RASAL2: variants seen among roughly 807,000 people sequenced by gnomAD.
RASAL2 encodes the protein RAS protein activator like 2, also known as ras GTPase-activating protein nGAP.
Under a neutral mutation model 128.9 loss-of-function variants are expected in RASAL2, and 58 were observed. The observed-to-expected ratio is 0.45, with a 90% CI of 0.36 to 0.56. RASAL2 has a LOEUF of 0.56. Among genes scored for constraint, RASAL2 ranks in the 20% least tolerant of loss-of-function variants. RASAL2 has a pLI of 0.00. For missense variants in RASAL2, 1,360 were observed against 1,601.6 expected (o/e 0.85, Z 2.57); for synonymous variants, 561 against 580.8 (o/e 0.97, Z 0.49).
chr1:178,219,587 G>T (rs78087404), intron 1 of RASAL2, among the ~76,000 whole-genome samples: 1 of 149,458 alleles, frequency 6.7e-6, no homozygotes, highest in Non-Finnish European at 1.5e-5. Context: ...CTGTGATCGC[G>T]CCATAGCACT....
rs114173896 is a variant in RASAL2, at chr1:178,327,062, A to G, written c.457+26944A>G. ...TAGTAATATTGTCCAGGTAAATAGA[A>G]CAATCTCATTCTAACTTAGCATTTC... On this transcript the variant is annotated intron_variant, in intron 3 of 17. Transcript: ENST00000367649. Among the ~76,000 whole-genome samples, 652 of 152,320 alleles carry G rather than the reference A, an allele frequency of 4.3e-3. 14 individuals are homozygous for G. Among genetic ancestry groups the G allele is most frequent in the African/African-American group, 0.015 (626 of 41,576 alleles).
chr1:178,428,589 A>AAT lies in RASAL2; in HGVS notation c.674+7980_674+7981dup, dbSNP rs199955656. The stretch of plus-strand genomic sequence containing the variant: ...ATATATATATTCTACATATATATTG[A>AAT]ATATATATATATTTTTAAGAGACAA... On this transcript the variant is annotated intron_variant, in intron 5 of 17. Coordinates refer to ENST00000367649, the MANE Select transcript of RASAL2 (RefSeq NM_170692.4). 1.5e-4 allele frequency among the ~76,000 whole-genome samples: 22 copies of AAT among 151,454 alleles called. No homozygotes were observed. In the East Asian group the frequency reaches 2.9e-3, roughly 20 times the overall value.
At chr1:178,199,151 C>A (rs1263706486) in intron 1 of RASAL2, among the ~76,000 whole-genome samples, 1 of 152,212 alleles carries the variant, frequency 6.6e-6, no homozygotes, top group Non-Finnish European at 1.5e-5. Flanking sequence ...TTTGCTAAGA[C>A]CACTGGAAAA....
chr1:178,432,705 C>T (rs182942115), intron 5 of RASAL2, among the ~76,000 whole-genome samples: 7 of 152,174 alleles, frequency 4.6e-5, no homozygotes, highest in Admixed American at 3.9e-4. Flanking sequence ...CTGGACTCTA[C>T]CCTCTCCCCA....
intron 1 of RASAL2, among the ~76,000 whole-genome samples, chr1:178,109,759 C>T (rs1024720887): frequency 2.6e-5 from 4 of 152,072 alleles, no homozygotes; most frequent in East Asian, 1.9e-4. Context: ...GGTTGGCTGA[C>T]GTCTATAATC....
chr1:178,412,984 TTTTC>T (rs1242412130), intron 4 of RASAL2, among the ~76,000 whole-genome samples: 6 of 151,730 alleles, frequency 4.0e-5, no homozygotes, highest in Non-Finnish European at 7.4e-5. Flanking sequence ...CTTTCTTTCT[TTTTC>T]TTTCTTTCTC....
intron 3 of RASAL2, among the ~76,000 whole-genome samples, chr1:178,324,155 A>T (rs1346731602): frequency 6.6e-6 from 1 of 152,188 alleles, no homozygotes; most frequent in Non-Finnish European, 1.5e-5. Flanking sequence ...ATAAACTTTG[A>T]TTTGAGCCAA....
At position 178,474,656 on chromosome 1, in the gene RASAL2, G is replaced by C. The variant is rs1408856174; in HGVS notation, c.*1417G>C. 1 of 151,684 alleles carries C rather than the reference G, an allele frequency of 6.6e-6. No homozygotes were observed. Among genetic ancestry groups the C allele is most frequent in the Non-Finnish European group, 1.5e-5 (1 of 67,936 alleles). 9.4% of individuals were successfully genotyped at this position (151,684 alleles called of 1,614,324 possible). On this transcript the variant is annotated 3_prime_UTR_variant, in exon 18 of 18. Transcript: ENST00000367649. ...TGCAACCTTGATTACCAGAAGTATG[G>C]AAGGTTACATGTTAAACAGACATTA...
chr1:178,096,303 T>G (rs985141503), intron 1 of RASAL2, among the ~76,000 whole-genome samples: 1 of 152,188 alleles, frequency 6.6e-6, no homozygotes, highest in Non-Finnish European at 1.5e-5. Context: ...TAAGAATACA[T>G]GTATATGATA....
chr1:178,185,011 G>C (rs1411981694), intron 1 of RASAL2, among the ~76,000 whole-genome samples: 1 of 151,554 alleles, frequency 6.6e-6, no homozygotes, highest in African/African-American at 2.4e-5. Context: ...TTTGCATGCA[G>C]GTTCTGTACA....
At chr1:178,175,764 T>A (rs1172148290) in intron 1 of RASAL2, among the ~76,000 whole-genome samples, 1 of 152,054 alleles carries the variant, frequency 6.6e-6, no homozygotes, top group Non-Finnish European at 1.5e-5. Context: ...GTACCCATTG[T>A]TTAGGTCCCA....
intron 1 of RASAL2, among the ~76,000 whole-genome samples, chr1:178,104,498 AT>A (rs1261112134): frequency 6.6e-6 from 1 of 152,188 alleles, no homozygotes; most frequent in Non-Finnish European, 1.5e-5. Flanking sequence ...CAAATCTTTG[AT>A]CCAAACTTCT....
intron 1 of RASAL2, among the ~76,000 whole-genome samples, chr1:178,217,095 C>T (rs1196523705): frequency 3.3e-5 from 5 of 152,126 alleles, no homozygotes; most frequent in South Asian, 2.1e-4. Context: ...CCTGCCTCAG[C>T]CCACCGAGTA....
In RASAL2 at chr1:178,458,426, C is replaced by T. The variant is rs199550328; in HGVS notation, c.3134C>T (p.Ser1045Phe). 1.2e-6 allele frequency: 2 copies of T among 1,614,220 alleles called. No homozygotes were observed. The highest frequency in any genetic ancestry group is 4.5e-5 in the East Asian group (2 of 44,872). Residue 1045 changes from serine to phenylalanine, a missense_variant, in exon 14 of 18, where the codon TCC becomes TTC. Physicochemically the swap from Ser to Phe is radical, Grantham distance 155. Transcript: ENST00000367649. ...LRSTGSMSVVSAALVAEPVQN... is the reference protein window; with the variant it reads ...LRSTGSMSVVFAALVAEPVQN... ...AGCACCGGGAGCATGTCAGTGGTGTCCGCAGCCCTGGTGGCCGAACCTGTG... is the reference window on the plus strand; with the variant it reads ...AGCACCGGGAGCATGTCAGTGGTGTTCGCAGCCCTGGTGGCCGAACCTGTG...
At chr1:178,319,020 C>G (rs1668624926) in intron 3 of RASAL2, among the ~76,000 whole-genome samples, 1 of 152,064 alleles carries the variant, frequency 6.6e-6, no homozygotes, top group South Asian at 2.1e-4. Context: ...ATTTGCTTGT[C>G]TGTAAAGTAT....
intron 1 of RASAL2, among the ~76,000 whole-genome samples, chr1:178,177,601 T>C (rs316277): frequency 0.62 from 94,070 of 152,054 alleles, 32,231 homozygotes; most frequent in East Asian, 0.8. Flanking sequence ...GAATTGATCT[T>C]TGAGTTGGGA....
At chr1:178,342,922 G>A (rs1295583140) in intron 3 of RASAL2, among the ~76,000 whole-genome samples, 1 of 152,106 alleles carries the variant, frequency 6.6e-6, no homozygotes, top group Admixed American at 6.6e-5. Flanking sequence ...CTTGAGAGCC[G>A]CAACAGACAG....
chr1:178,446,912 G>A (rs1351792834), intron 9 of RASAL2, among the ~76,000 whole-genome samples: 1 of 152,196 alleles, frequency 6.6e-6, no homozygotes, highest in Non-Finnish European at 1.5e-5. Flanking sequence ...TAGCATGGGG[G>A]AAAGGACCCA....
In RASAL2 at chr1:178,242,423, TTC is replaced by T. The variant is rs58914415; in HGVS notation, c.203-41083_203-41082del. On this transcript the variant is annotated intron_variant, in intron 1 of 17. Coordinates refer to ENST00000367649, the MANE Select transcript of RASAL2 (RefSeq NM_170692.4). ...TGCTAATGACAATTTTTATAATTCATTCTCTCTCTCTCTCTCTCTCTCTCTCT... is the reference window on the plus strand; with the variant it reads ...TGCTAATGACAATTTTTATAATTCATTCTCTCTCTCTCTCTCTCTCTCTCT... Among the ~76,000 whole-genome samples, 144 of 85,220 alleles carry T rather than the reference TTC, an allele frequency of 1.7e-3. 4 individuals are homozygous for T. Among genetic ancestry groups the T allele is most frequent in the Middle Eastern group, 6.6e-3 (1 of 152 alleles). The allele number at this position is 85,220 out of a possible 152,430, so 55.9% of individuals were successfully genotyped here. A position where few individuals can be genotyped will look rare whatever the true frequency, so the allele number is the denominator to read the frequency against.
Sources: gnomAD v4.1 joint callset for allele counts (sites outside exome capture counted in the v4.1 genomes callset) on GRCh38, gnomAD v4.1.1 for gene constraint, MANE v1.5 for transcripts, NCBI Gene and HGNC (gene_info 2026-07-23, HGNC 2026-07-21) for gene names.